The following EPHA10 variants were observed in gnomAD, a reference collection of about 807,000 sequenced individuals.
The protein encoded by EPHA10 is ephrin type-A receptor 10.
In EPHA10, 120 loss-of-function variants were observed where a neutral mutation model predicts 109.7. The observed-to-expected ratio is 1.09, with a 90% CI of 0.94 to 1.27. The LOEUF is 1.27. Ranked by LOEUF, EPHA10 falls within the 50% of genes most tolerant of loss-of-function variation. The probability of loss-of-function intolerance (pLI) is 0.00; values close to 1 mark genes in which losing one functional copy is unlikely to be tolerated. For synonymous variants in EPHA10, 640 were observed against 618.9 expected, an observed-to-expected ratio of 1.03 and a Z score of -0.51; for missense variants, 1,396 against 1,411.1, an observed-to-expected ratio of 0.99 and a Z score of 0.17.
At chr1:37,738,599 T>C (rs1446765788) in intron 5 of EPHA10, among the ~76,000 whole-genome samples, 1 of 152,116 alleles carries the variant, frequency 6.6e-6, no homozygotes, top group Non-Finnish European at 1.5e-5. Flanking sequence ...GAAAACAATA[T>C]GGAGGTTCCT....
intron 5 of EPHA10, among the ~76,000 whole-genome samples, chr1:37,737,618 AT>A (rs1407907734): frequency 7.2e-5 from 11 of 152,256 alleles, no homozygotes; most frequent in African/African-American, 9.6e-5. Flanking sequence ...CTCAAAGTGG[AT>A]TAAAGACCTA....
At chr1:37,720,707 T>C in intron 12 of EPHA10, 76 bp downstream of exon 12, 1 of 1,581,680 alleles carries the variant, frequency 6.3e-7, no homozygotes, top group Non-Finnish European at 8.7e-7. Context: ...TTCCAAGCCC[T>C]ACCAAAGAGA....
intron 5 of EPHA10, among the ~76,000 whole-genome samples, chr1:37,752,355 A>C (rs778959842): frequency 2.0e-5 from 3 of 152,146 alleles, no homozygotes; most frequent in Non-Finnish European, 4.4e-5. Flanking sequence ...GGCCAGATGC[A>C]GCAAAACCAT....
In EPHA10 at chr1:37,727,216, A is replaced by T. The variant is rs1344830713; in HGVS notation, c.1664-6T>A. 6.3e-7 allele frequency: 1 copy of T among 1,594,582 alleles called. No homozygotes were observed. Among genetic ancestry groups the T allele is most frequent in the Non-Finnish European group, 8.5e-7 (1 of 1,169,664 alleles). ...GTCCCTGGACCCTGAGGCAGCTGGG[A>T]GGAAAATCACGAGGTTGAGGCAGGC... On this transcript the variant is annotated splice_polypyrimidine_tract_variant and splice_region_variant and intron_variant, in intron 7 of 16. Transcript: ENST00000373048.
rs1396913554 is a variant in EPHA10 at position 37,731,431 on chromosome 1, T to G, written c.1643A>C (p.Glu548Ala). Residue 548 changes from glutamate (E) to alanine (A), a missense_variant, in exon 7 of 17, where the codon GAA (glutamate) becomes GCA (alanine). Coordinates refer to ENST00000373048, the MANE Select transcript of EPHA10 (RefSeq NM_001099439.2). Reference protein sequence around the residue: ...WEAQSFNPSIEVQTLGEAASG... With the variant: ...WEAQSFNPSIAVQTLGEAASG... ...CTTACCCTCCCCCAGGGTCTGTACT[T>G]CAATGCTGGGGTTAAAACTCTGGGC... 2 of 1,611,602 alleles carry G rather than the reference T, an allele frequency of 1.2e-6. No homozygotes were observed. The highest frequency in any genetic ancestry group is 1.7e-6 in the Non-Finnish European group (2 of 1,178,648).
intron 6 of EPHA10, among the ~76,000 whole-genome samples, chr1:37,732,082 T>C (rs1186061894): frequency 6.6e-6 from 1 of 152,230 alleles, no homozygotes; most frequent in Non-Finnish European, 1.5e-5. Context: ...TTATCTTGTT[T>C]GTTTGTTTCA....
intron 1 of EPHA10, 22 bp from the exon 2 acceptor site, chr1:37,762,871 A>G (rs1470064519): frequency 6.5e-7 from 1 of 1,545,916 alleles, no homozygotes; most frequent in Non-Finnish European, 8.7e-7. Context: ...GGAAGACAGA[A>G]ATATCAGAAA....
At chr1:37,720,938 G>T in intron 11 of EPHA10, 94 bp from the exon 12 acceptor site, 1 of 1,260,306 alleles carries the variant, frequency 7.9e-7, no homozygotes, top group Non-Finnish European at 1.1e-6. Flanking sequence ...TGGGCCTCGA[G>T]AGCCAGAACC....
intron 10 of EPHA10, chr1:37,722,218 T>C: frequency 4.3e-6 from 1 of 234,552 alleles, no homozygotes; most frequent in Admixed American, 5.3e-5. Flanking sequence ...GAATTCCATC[T>C]CTTTCCTTTT....
chr1:37,722,062 C>T (rs926436595), intron 10 of EPHA10: 1 of 477,228 alleles, frequency 2.1e-6, no homozygotes, highest in Non-Finnish European at 3.7e-6. Context: ...ACCCAGGAGG[C>T]AGAGGTTTCA....
intron 10 of EPHA10, 92 bp from the exon 11 acceptor site, chr1:37,721,937 C>T: frequency 7.7e-7 from 1 of 1,292,568 alleles, no homozygotes; most frequent in Non-Finnish European, 1.0e-6. Flanking sequence ...CTCTGACCAG[C>T]CTGGCCAACA....
intron 5 of EPHA10, among the ~76,000 whole-genome samples, chr1:37,747,638 T>C (rs72659492): frequency 0.2 from 30,667 of 151,190 alleles, 3,878 homozygotes; most frequent in Non-Finnish European, 0.27. Context: ...CATGCTGACG[T>C]GCACCTGTAA....
chr1:37,743,279 T>TAA (rs1237878174), intron 5 of EPHA10, among the ~76,000 whole-genome samples: 2 of 151,978 alleles, frequency 1.3e-5, no homozygotes, highest in Non-Finnish European at 2.9e-5. Flanking sequence ...AGAGAGTAAG[T>TAA]AAAACGCTCT....
intron 3 of EPHA10, among the ~76,000 whole-genome samples, chr1:37,759,212 C>T (rs990860634): frequency 2.6e-5 from 4 of 152,184 alleles, no homozygotes; most frequent in African/African-American, 9.7e-5. Context: ...TGGCCTAAAG[C>T]ATAAAGTCTA....
rs1646349619 is a variant in EPHA10, at chr1:37,752,875, C to T, written c.1357+1G>A. Reference sequence around the variant, plus strand: ...GGGGTGGGGGGCGCGGACGGCCTTACCCCCGGGCCCGGTGGAGACGGTGAC... The same window carrying T: ...GGGGTGGGGGGCGCGGACGGCCTTATCCCCGGGCCCGGTGGAGACGGTGAC... On this transcript the variant is annotated splice_donor_variant, in intron 5 of 16. Coordinates refer to ENST00000373048, the MANE Select transcript of EPHA10 (RefSeq NM_001099439.2). LOFTEE classifies it high-confidence loss of function. 7.8e-7 allele frequency: 1 copy of T among 1,283,606 alleles called. No individual in the cohort carries two copies. Among genetic ancestry groups the T allele is most frequent in the Non-Finnish European group, 9.8e-7 (1 of 1,017,564 alleles). The allele number at this position is 1,283,606 out of a possible 1,614,324, so 79.5% of individuals were successfully genotyped here. A position where few individuals can be genotyped will look rare whatever the true frequency, so the allele number is the denominator to read the frequency against.
At chr1:37,738,843 C>A (rs1646109409) in intron 5 of EPHA10, among the ~76,000 whole-genome samples, 1 of 151,898 alleles carries the variant, frequency 6.6e-6, no homozygotes, top group Non-Finnish European at 1.5e-5. Context: ...GAGTTCATGT[C>A]CTTTGCAGGG....
chr1:37,715,361 T>C (rs149686693), downstream of EPHA10, among the ~76,000 whole-genome samples: 659 of 152,196 alleles, frequency 4.3e-3, 1 homozygote, highest in African/African-American at 9.2e-3. Context: ...CAAAACTTCA[T>C]CTTCAGCAGC....
chr1:37,752,921 C>T lies in EPHA10; in HGVS notation c.1312G>A (p.Ala438Thr), dbSNP rs1415331689. 2.3e-6 allele frequency: 3 copies of T among 1,309,368 alleles called. No homozygotes were observed. Among genetic ancestry groups the T allele is most frequent in the East Asian group, 3.2e-5 (1 of 31,306 alleles). 81.1% of individuals were successfully genotyped at this position (1,309,368 alleles called of 1,614,324 possible). ...LNGVSGPAAA[A>T]GTTYAQVTVS... ...GTGACCTGCGCGTAGGTGGTTCCCG[C>T]GGCGGCCGCCGGGCCCGAGACGCCG... The change falls in exon 5 of 17, where the codon GCG becomes ACG. Residue 438 changes from alanine to threonine, a missense_variant. Ala to Thr is a moderately conservative substitution (Grantham distance 58). Coordinates refer to ENST00000373048, the MANE Select transcript of EPHA10 (RefSeq NM_001099439.2).
chr1:37,720,080 G>GA, intron 13 of EPHA10, 22 bp from the exon 14 acceptor site: 1 of 1,612,326 alleles, frequency 6.2e-7, no homozygotes, highest in Non-Finnish European at 8.5e-7. Flanking sequence ...GGCAGGTCAG[G>GA]GGCAAGGAGG....
Sources: gnomAD v4.1 joint callset for allele counts (sites outside exome capture counted in the v4.1 genomes callset) on GRCh38, gnomAD v4.1.1 for gene constraint, MANE v1.5 for transcripts, NCBI Gene and HGNC (gene_info 2026-07-23, HGNC 2026-07-21) for gene names.